Variants in FOLH1 observed in about 807,000 individuals in gnomAD.
FOLH1 encodes the protein folate hydrolase 1, also known as glutamate carboxypeptidase 2.
FOLH1 carries 54 observed loss-of-function variants against 93.9 expected under a neutral mutation model. The observed-to-expected ratio is 0.57, with a 90% confidence interval of 0.46 to 0.72. The LOEUF (loss-of-function observed/expected upper bound fraction) is 0.72, where lower values mean the gene tolerates loss of function less well. Ranked by LOEUF, FOLH1 falls within the 30% of genes least tolerant of loss-of-function variation. The probability of loss-of-function intolerance (pLI) is 0.00; values close to 1 mark genes in which losing one functional copy is unlikely to be tolerated. For missense variants in FOLH1, 571 were observed against 892.5 expected, an observed-to-expected ratio of 0.64 and a Z score of 4.59; for synonymous variants, 249 against 303.6, an observed-to-expected ratio of 0.82 and a Z score of 1.87.
chr11:49,156,566 G>T, intron 15 of FOLH1, 151 bp downstream of exon 15: 1 of 960,822 alleles, frequency 1.0e-6, no homozygotes, highest in Non-Finnish European at 1.6e-6. Context: ...GTTATCCTAC[G>T]TAGTAGTGAT....
Position 49,207,137 on chromosome 11 carries a change from A to G in FOLH1, c.119-965T>C, listed in dbSNP as rs1864067906. 2.0e-5 allele frequency among the ~76,000 whole-genome samples: 3 copies of G among 152,240 alleles called. No homozygotes were observed. The South Asian group carries it at 6.2e-4, about 32-fold the overall frequency. On this transcript the variant is annotated intron_variant, in intron 1 of 18. Transcript: ENST00000256999. ...TTAGAGTGAGGGATCAGGAAACACCACACTGAGGACGAGATGCTTGAACTG... is the reference window on the plus strand; with the variant it reads ...TTAGAGTGAGGGATCAGGAAACACCGCACTGAGGACGAGATGCTTGAACTG...
Position 49,172,395 on chromosome 11 carries a change from CA to C in FOLH1, c.1225+961del, listed in dbSNP as rs200308688. The stretch of plus-strand genomic sequence containing the variant: ...TACATTTTATTTTAAATAGAGACAT[CA>C]TGGTTTTGAGGACTGGTAGTGAGAA... On this transcript the variant is annotated intron_variant, in intron 10 of 18. Transcript: ENST00000256999. 1.0e-2 allele frequency among the ~76,000 whole-genome samples: 1,520 copies of C among 152,154 alleles called. 24 individuals carry two copies. Among genetic ancestry groups the C allele is most frequent in the African/African-American group, 0.034 (1,432 of 41,528 alleles).
At chr11:49,159,829 G>T (rs1356084213) in intron 13 of FOLH1, among the ~76,000 whole-genome samples, 2 of 151,872 alleles carry the variant, frequency 1.3e-5, no homozygotes, top group Non-Finnish European at 2.9e-5. Flanking sequence ...CCTGTTCAGG[G>T]ATTCAATTTC....
intron 11 of FOLH1, among the ~76,000 whole-genome samples, chr11:49,169,752 C>G (rs1858982180): frequency 6.6e-6 from 1 of 152,172 alleles, no homozygotes; most frequent in Admixed American, 6.5e-5. Context: ...AGAAGTCAGG[C>G]TCTCCTGTAG....
chr11:49,206,712 T>G (rs1864011061), intron 1 of FOLH1: 4 of 1,490,776 alleles, frequency 2.7e-6, no homozygotes, highest in Non-Finnish European at 3.6e-6. Context: ...TGTGAGAGTT[T>G]GCGTTTCCAG....
chr11:49,173,322 A>G lies in FOLH1; in HGVS notation c.1225+35T>C, dbSNP rs765754142. 14 of 1,592,454 alleles carry G rather than the reference A, an allele frequency of 8.8e-6. No individual in the cohort carries two copies. The East Asian group carries it at 3.1e-4, about 36-fold the overall frequency. ...CAGAAGACTAAACTGAGACTCAGAT[A>G]GGCTGTTTTTTTTCTTGCTGTTTGT... is the stretch of plus-strand genomic sequence containing the variant. On this transcript the variant is annotated intron_variant, in intron 10 of 18. Coordinates refer to ENST00000256999, the MANE Select transcript of FOLH1 (RefSeq NM_004476.3).
At chr11:49,182,486 T>C (rs1860878846) in intron 7 of FOLH1, among the ~76,000 whole-genome samples, 1 of 151,798 alleles carries the variant, frequency 6.6e-6, no homozygotes, top group Non-Finnish European at 1.5e-5. Context: ...GGAAGAAGAA[T>C]AGAGATAAAA....
intron 1 of FOLH1, chr11:49,206,690 A>G: frequency 7.6e-7 from 1 of 1,314,974 alleles, no homozygotes; most frequent in East Asian, 2.5e-5. Context: ...TTCTGAAACT[A>G]AAACAAAATG....
intron 17 of FOLH1, among the ~76,000 whole-genome samples, chr11:49,149,147 G>T (rs1260498575): frequency 6.6e-6 from 1 of 151,972 alleles, no homozygotes; most frequent in Non-Finnish European, 1.5e-5. Flanking sequence ...GCATTGGGAG[G>T]TATACCTAAT....
chr11:49,162,197 T>C lies in FOLH1; in HGVS notation c.1440+2508A>G, dbSNP rs182201552. Among the ~76,000 whole-genome samples, 94 of 152,336 alleles carry C rather than the reference T, an allele frequency of 6.2e-4. 1 individual carries two copies. The highest frequency in any genetic ancestry group is 4.6e-3 in the Admixed American group (71 of 15,302). ...TCTAGCTATGTTGGGAAAGTTCTCA[T>C]GGATTATATCCTGGAATATGTTTTC... On this transcript the variant is annotated intron_variant, in intron 13 of 18. Coordinates refer to ENST00000256999, the MANE Select transcript of FOLH1 (RefSeq NM_004476.3).
At position 49,206,305 on chromosome 11, in the gene FOLH1, G is replaced by A. The variant is rs1315478630; in HGVS notation, c.119-133C>T. On this transcript the variant is annotated intron_variant, in intron 1 of 18. Coordinates refer to ENST00000256999, the MANE Select transcript of FOLH1 (RefSeq NM_004476.3). ...CTCTGACATTAGGTGAGATATTTCT[G>A]AATTTTAATTTCTCTTGCCTACTTT... 4 of 1,358,230 alleles carry A rather than the reference G, an allele frequency of 2.9e-6. No homozygotes were observed. In the Admixed American group the frequency reaches 8.0e-5, roughly 27 times the overall value. The allele number at this position is 1,358,230 out of a possible 1,614,324, so 84.1% of individuals were successfully genotyped here. A position where few individuals can be genotyped will look rare whatever the true frequency, so the allele number is the denominator to read the frequency against.
chr11:49,208,069 G>A, intron 1 of FOLH1: 1 of 631,166 alleles, frequency 1.6e-6, no homozygotes, highest in Non-Finnish European at 2.8e-6. Flanking sequence ...CCCTCAACCT[G>A]AGTGACTGTC....
Position 49,157,960 on chromosome 11 carries a change from G to A in FOLH1, c.1524C>T (p.Gly508=), listed in dbSNP as rs1475120880. ...TTCATTCATTTGTTTACCTGGGCATGCCACTGAACTCTGGGGAAGGACTTT... is the reference window on the plus strand; with the variant it reads ...TTCATTCATTTGTTTACCTGGGCATACCACTGAACTCTGGGGAAGGACTTT... ...TKKSPSPEFS[G]MPRISKLGSG... The change falls in exon 14 of 19, where the codon GGC becomes GGT. Residue 508 remains glycine (G), a synonymous_variant. Coordinates refer to ENST00000256999, the MANE Select transcript of FOLH1 (RefSeq NM_004476.3). 1.9e-5 allele frequency: 30 copies of A among 1,584,978 alleles called. No homozygotes were observed. The highest frequency in any genetic ancestry group is 2.5e-5 in the Non-Finnish European group (29 of 1,163,624).
rs1855739618 is a variant in FOLH1 at position 49,145,348 on chromosome 11, C to A, written c.*1408G>T. On this transcript the variant is annotated 3_prime_UTR_variant, in exon 19 of 19. Coordinates refer to ENST00000256999, the MANE Select transcript of FOLH1 (RefSeq NM_004476.3). ...TGCAAATGACATCTCCAGCATCTGA[C>A]ACGGAGGGCATACAGAGCTACACCA... 6.6e-6 allele frequency among the ~76,000 whole-genome samples: 1 copy of A among 152,088 alleles called. No homozygotes were observed. Among genetic ancestry groups the A allele is most frequent in the South Asian group, 2.1e-4 (1 of 4,832 alleles).
At chr11:49,206,793 G>C in intron 1 of FOLH1, 1 of 1,535,860 alleles carries the variant, frequency 6.5e-7, no homozygotes, top group Non-Finnish European at 8.7e-7. Flanking sequence ...CTCTCTGCCA[G>C]ACACCCAGTG....
chr11:49,206,999 T>C (rs1218680782), intron 1 of FOLH1: 3 of 563,860 alleles, frequency 5.3e-6, no homozygotes, highest in Non-Finnish European at 9.5e-6. Context: ...ATTATTCTAG[T>C]TCTTAATCGC....
chr11:49,208,224 C>T (rs908963484), intron 1 of FOLH1, 68 bp downstream of exon 1: 4 of 1,181,254 alleles, frequency 3.4e-6, no homozygotes, highest in Admixed American at 5.5e-5. Context: ...GGCAGCTGAC[C>T]CGCGAGTCCC....
intron 17 of FOLH1, among the ~76,000 whole-genome samples, chr11:49,150,723 T>C (rs1386698487): frequency 1.3e-5 from 2 of 152,184 alleles, no homozygotes; most frequent in Non-Finnish European, 2.9e-5. Flanking sequence ...GTTGTTATTA[T>C]AATAAGAATG....
intron 6 of FOLH1, among the ~76,000 whole-genome samples, chr11:49,184,003 T>C (rs1861087999): frequency 6.6e-6 from 1 of 152,198 alleles, no homozygotes; most frequent in African/African-American, 2.4e-5. Flanking sequence ...TTATTGCATG[T>C]AAACTGTACC....
Sources: gnomAD v4.1 joint callset for allele counts (sites outside exome capture counted in the v4.1 genomes callset) on GRCh38, gnomAD v4.1.1 for gene constraint, MANE v1.5 for transcripts, NCBI Gene and HGNC (gene_info 2026-07-23, HGNC 2026-07-21) for gene names.